The following ANXA2 variants were observed in gnomAD, a reference collection of about 807,000 sequenced individuals.
The protein encoded by ANXA2 is annexin II.
Under a neutral mutation model 47.3 loss-of-function variants are expected in ANXA2, and 28 were observed. The observed-to-expected ratio is 0.59, with a 90% CI of 0.44 to 0.81. The LOEUF (loss-of-function observed/expected upper bound fraction) is 0.81. ANXA2 is among the 40% of genes least tolerant of loss of function. The pLI is 0.00. For missense variants in ANXA2, 384 were observed against 414.3 expected, an observed-to-expected ratio of 0.93 and a Z score of 0.64; for synonymous variants, 172 against 155.5, an observed-to-expected ratio of 1.11 and a Z score of -0.79.
At position 60,347,400 on chromosome 15, in the gene ANXA2, A is replaced by G; in HGVS notation, c.*230T>C. ...GTACACAGGAGGCAAAGTGTTTCAC[A>G]TCATAGACTTCACTTCCAACTCCTT... On this transcript the variant is annotated 3_prime_UTR_variant, in exon 13 of 13. Coordinates refer to ENST00000451270, the MANE Select transcript of ANXA2 (RefSeq NM_004039.3). The G allele has an allele frequency of 1.7e-6, 1 of 590,028 alleles. No individual in the cohort carries two copies. The highest frequency in any genetic ancestry group is 3.0e-5 in the Admixed American group (1 of 33,614). The allele number at this position is 590,028 out of a possible 1,614,324, so 36.5% of individuals were successfully genotyped here. A position where few individuals can be genotyped will look rare whatever the true frequency, so the allele number is the denominator to read the frequency against.
At chr15:60,365,679 A>G (rs1028791993) in intron 3 of ANXA2, among the ~76,000 whole-genome samples, 1 of 152,238 alleles carries the variant, frequency 6.6e-6, no homozygotes, top group African/African-American at 2.4e-5. Flanking sequence ...ATTTCTGGGT[A>G]TAAAAATAAA....
intron 8 of ANXA2, 120 bp downstream of exon 8, chr15:60,354,034 G>A (rs866283843): frequency 2.7e-5 from 19 of 705,034 alleles, no homozygotes; most frequent in African/African-American, 2.0e-4. Context: ...AATAATACAT[G>A]TTTGTTGTTT....
At chr15:60,384,414 T>C (rs2062905913) in intron 2 of ANXA2, 1 of 152,352 alleles carries the variant, frequency 6.6e-6, no homozygotes, top group East Asian at 1.9e-4. Context: ...AAAATCCACT[T>C]GTCTGAAATG....
intron 3 of ANXA2, among the ~76,000 whole-genome samples, chr15:60,377,835 C>G (rs2140897197): frequency 6.6e-6 from 1 of 152,084 alleles, no homozygotes; most frequent in South Asian, 2.1e-4. Flanking sequence ...CACCTGTAAT[C>G]CCAGCACTTT....
chr15:60,370,130 T>C (rs1318064998), intron 3 of ANXA2, among the ~76,000 whole-genome samples: 2 of 152,200 alleles, frequency 1.3e-5, no homozygotes, highest in African/African-American at 4.8e-5. Flanking sequence ...GTATTTTACC[T>C]AAATTATTTA....
chr15:60,374,547 G>C (rs2140887088), intron 3 of ANXA2: 2 of 455,992 alleles, frequency 4.4e-6, no homozygotes, highest in Non-Finnish European at 4.4e-6. Flanking sequence ...GATTTCCTCA[G>C]GGAAAAGAGC....
rs924095596 is a variant in ANXA2, at chr15:60,352,600, C to T, written c.589-124G>A. 4.2e-6 allele frequency: 3 copies of T among 706,590 alleles called. No individual in the cohort carries two copies. The highest frequency in any genetic ancestry group is 1.8e-5 in the African/African-American group (1 of 56,016). The allele number at this position is 706,590 out of a possible 1,614,324, so 43.8% of individuals were successfully genotyped here. A position where few individuals can be genotyped will look rare whatever the true frequency, so the allele number is the denominator to read the frequency against. On this transcript the variant is annotated intron_variant, in intron 8 of 12. Transcript: ENST00000451270. This position sits in a 1 kb window ranked among gnomAD's most constrained non-coding sequence, Gnocchi z 4.2. ...TGCCAAACGAGGAAAGATGATTATA[C>T]TGCAGACATGGGCAGAGACCTACTA...
Position 60,352,541 on chromosome 15 carries a change from T to C in ANXA2, c.589-65A>G. On this transcript the variant is annotated intron_variant, in intron 8 of 12. Coordinates refer to ENST00000451270, the MANE Select transcript of ANXA2 (RefSeq NM_004039.3). The surrounding 1 kb of genome is among the most constrained non-coding windows in gnomAD (Gnocchi z 4.2). ...CAATGTAACGTCAAAAAAAATGTCA[T>C]GCAAAAAAAACAAAAAAAGCTACAC... The C allele has an allele frequency of 1.6e-6, 2 of 1,242,176 alleles. No individual in the cohort carries two copies. Among genetic ancestry groups the C allele is most frequent in the Non-Finnish European group, 2.3e-6 (2 of 867,942 alleles). The allele number at this position is 1,242,176 out of a possible 1,614,324, so 76.9% of individuals were successfully genotyped here. A position where few individuals can be genotyped will look rare whatever the true frequency, so the allele number is the denominator to read the frequency against.
chr15:60,366,022 T>G lies in ANXA2; in HGVS notation c.149-1499A>C, dbSNP rs1488919140. 5.5e-4 allele frequency among the ~76,000 whole-genome samples: 72 copies of G among 130,630 alleles called. 1 individual carries two copies. Among genetic ancestry groups the G allele is most frequent in the African/African-American group, 1.9e-3 (67 of 34,930 alleles). 85.7% of individuals were successfully genotyped at this position (130,630 alleles called of 152,430 possible). A position where few individuals can be genotyped will look rare whatever the true frequency, so the allele number is the denominator to read the frequency against. On this transcript the variant is annotated intron_variant, in intron 3 of 12. Transcript: ENST00000451270. ...CGCCGCCACGCCTGACTGGTTTTCG[T>G]TTTTTTTTGGTGGAGACGGGGTTTC...
At chr15:60,358,697 G>A (rs1439591346) in intron 5 of ANXA2, among the ~76,000 whole-genome samples, 1 of 152,132 alleles carries the variant, frequency 6.6e-6, no homozygotes, top group Non-Finnish European at 1.5e-5. Flanking sequence ...GTTAGCAAAA[G>A]GTCCATACAG....
intron 3 of ANXA2, among the ~76,000 whole-genome samples, chr15:60,380,739 G>A (rs1260517902): frequency 2.0e-5 from 3 of 148,038 alleles, no homozygotes; most frequent in Non-Finnish European, 3.0e-5. Context: ...GGGAGGTGGA[G>A]GTTGCAGTGA....
intron 11 of ANXA2, among the ~76,000 whole-genome samples, chr15:60,349,889 A>G (rs370420228): frequency 0.2 from 7,925 of 38,840 alleles, 460 homozygotes; most frequent in Non-Finnish European, 0.25. Context: ...AGGAGGCAGG[A>G]GAAGGCAGGG....
intron 7 of ANXA2, among the ~76,000 whole-genome samples, chr15:60,354,628 A>AG (rs1283606943): frequency 2.0e-5 from 3 of 150,986 alleles, no homozygotes; most frequent in Admixed American, 6.6e-5. Flanking sequence ...TCAAAAAAAA[A>AG]AAAAAAAAAG....
chr15:60,370,722 G>A (rs2062699477), intron 3 of ANXA2, among the ~76,000 whole-genome samples: 1 of 152,174 alleles, frequency 6.6e-6, no homozygotes, highest in Admixed American at 6.5e-5. Context: ...AGTGCCAGAG[G>A]CCCAGGAGAT....
chr15:60,364,332 T>C, intron 4 of ANXA2, 97 bp downstream of exon 4: 1 of 936,232 alleles, frequency 1.1e-6, no homozygotes, highest in Non-Finnish European at 1.7e-6. Flanking sequence ...CACAAGTCTT[T>C]TGCGCATGAG....
intron 3 of ANXA2, among the ~76,000 whole-genome samples, chr15:60,379,723 C>G (rs528773535): frequency 6.6e-6 from 1 of 152,262 alleles, no homozygotes; most frequent in Non-Finnish European, 1.5e-5. Context: ...AGTATCTGCC[C>G]ACAACGAGCA....
At chr15:60,363,521 T>C (rs2062548265) in intron 4 of ANXA2, among the ~76,000 whole-genome samples, 2 of 152,208 alleles carry the variant, frequency 1.3e-5, no homozygotes, top group African/African-American at 4.8e-5. Context: ...CCACACTTAC[T>C]GCACTGTCCA....
At chr15:60,350,155 C>G (rs9972390) in intron 11 of ANXA2, among the ~76,000 whole-genome samples, 5,287 of 11,462 alleles carry the variant, frequency 0.46, 898 homozygotes, top group African/African-American at 0.56. Flanking sequence ...GGCAGGGAGG[C>G]AGGGGAAGGC....
chr15:60,356,455 T>C (rs548248865), intron 6 of ANXA2, among the ~76,000 whole-genome samples: 126 of 152,220 alleles, frequency 8.3e-4, no homozygotes, highest in African/African-American at 2.9e-3. Flanking sequence ...TATTTCAATA[T>C]TCAAAATAGC....
Sources: allele counts gnomAD v4.1 joint callset (sites outside exome capture counted in the v4.1 genomes callset), GRCh38; gene constraint gnomAD v4.1.1; non-coding constraint Gnocchi (gnomAD v3.1); transcripts MANE v1.5; gene names NCBI Gene and HGNC (gene_info 2026-07-23, HGNC 2026-07-21).